CLASP1: variants seen among roughly 807,000 people sequenced by gnomAD.
CLASP1 encodes cytoplasmic linker associated protein 1.
In CLASP1, 38 loss-of-function variants were observed where a neutral mutation model predicts 192.3. The ratio of observed to expected loss-of-function variants is 0.20; its 90% CI spans 0.15 to 0.26. The LOEUF is 0.26. Among genes scored for constraint, CLASP1 ranks in the 10% least tolerant of loss-of-function variants. The pLI is 1.00. For missense variants in CLASP1, 1,433 were observed against 1,932.5 expected, an observed-to-expected ratio of 0.74 and a Z score of 4.85; for synonymous variants, 691 against 712.8, an observed-to-expected ratio of 0.97 and a Z score of 0.49.
rs1186704352 is a variant in CLASP1, at chr2:121,402,843, C to T, written c.2734-973G>A. 3.9e-5 allele frequency among the ~76,000 whole-genome samples: 6 copies of T among 152,098 alleles called. 1 individual carries two copies. The highest frequency in any genetic ancestry group is 1.4e-4 in the African/African-American group (6 of 41,430). On this transcript the variant is annotated intron_variant, in intron 26 of 39. Transcript: ENST00000263710. ...TATCTATGTGGCCTTTAAGCTCAGTCTTTCCTGAATTTTTATTGAGACAGA... is the reference window on the plus strand; with the variant it reads ...TATCTATGTGGCCTTTAAGCTCAGTTTTTCCTGAATTTTTATTGAGACAGA...
At chr2:121,615,887 T>G (rs905072832) in intron 1 of CLASP1, among the ~76,000 whole-genome samples, 3 of 152,088 alleles carry the variant, frequency 2.0e-5, no homozygotes, top group Non-Finnish European at 4.4e-5. Context: ...AAGCAATAAT[T>G]CAAAACCAGA....
chr2:121,378,369 A>C (rs1171801409), intron 33 of CLASP1, among the ~76,000 whole-genome samples: 1 of 152,220 alleles, frequency 6.6e-6, no homozygotes, highest in African/African-American at 2.4e-5. Context: ...AAAAGCAAGA[A>C]ATATTTGTTG....
intron 2 of CLASP1, among the ~76,000 whole-genome samples, chr2:121,593,122 T>G (rs539279867): frequency 6.6e-6 from 1 of 152,066 alleles, no homozygotes; most frequent in African/African-American, 2.4e-5. Context: ...TTTAACCACG[T>G]AGGAGGAAGA....
intron 2 of CLASP1, among the ~76,000 whole-genome samples, chr2:121,536,122 C>T (rs1449857666): frequency 1.3e-5 from 2 of 151,610 alleles, no homozygotes; most frequent in Non-Finnish European, 2.9e-5. Flanking sequence ...TGGCTCACGC[C>T]TGTAATCCCA....
At chr2:121,351,491 C>G (rs1462314486) in intron 37 of CLASP1, among the ~76,000 whole-genome samples, 1 of 152,210 alleles carries the variant, frequency 6.6e-6, no homozygotes, top group Non-Finnish European at 1.5e-5. Flanking sequence ...AATTAATTCT[C>G]CTAGCTGTCT....
intron 33 of CLASP1, among the ~76,000 whole-genome samples, chr2:121,381,450 G>C (rs1337511811): frequency 2.0e-5 from 3 of 152,080 alleles, no homozygotes; most frequent in East Asian, 3.9e-4. Flanking sequence ...CTTATAAAAA[G>C]CATCCCCAAG....
Position 121,395,669 on chromosome 2 carries a change from A to T in CLASP1, c.3123+1471T>A, listed in dbSNP as rs191307111. Among the ~76,000 whole-genome samples, 32 of 152,316 alleles carry T rather than the reference A, an allele frequency of 2.1e-4. No homozygotes were observed. The East Asian group carries it at 5.8e-3, about 28-fold the overall frequency. On this transcript the variant is annotated intron_variant, in intron 30 of 39. Transcript: ENST00000263710. ...AGGATGAATCTTATCTTCTCTAGGA[A>T]GCTTTCTATGATCAATACAGAGTGC...
intron 11 of CLASP1, 60 bp downstream of exon 11, chr2:121,461,041 G>T (rs1484875294): frequency 4.5e-5 from 45 of 1,005,856 alleles, no homozygotes. Flanking sequence ...TCACAATAAA[G>T]TATTTGAGAT....
At chr2:121,454,782 G>T (rs2086271931) in intron 14 of CLASP1, among the ~76,000 whole-genome samples, 1 of 152,162 alleles carries the variant, frequency 6.6e-6, no homozygotes, top group South Asian at 2.1e-4. Flanking sequence ...GAGAAATTTT[G>T]CCTTACGCAA....
chr2:121,407,815 G>T, intron 24 of CLASP1, 100 bp from the exon 26 acceptor site: 1 of 1,338,894 alleles, frequency 7.5e-7, no homozygotes, highest in Non-Finnish European at 1.1e-6. Flanking sequence ...AGAGTTAAGT[G>T]TAAAAAGACA....
intron 8 of CLASP1, among the ~76,000 whole-genome samples, chr2:121,483,188 C>T (rs925020741): frequency 5.3e-5 from 8 of 152,178 alleles, no homozygotes; most frequent in African/African-American, 1.9e-4. Flanking sequence ...CCCCGCCCCA[C>T]ACAGGGCCTG....
chr2:121,360,469 T>C (rs188817074), intron 37 of CLASP1, among the ~76,000 whole-genome samples: 2 of 152,202 alleles, frequency 1.3e-5, no homozygotes, highest in Admixed American at 1.3e-4. Context: ...ACGTGCCATA[T>C]TAATATGCCA....
At chr2:121,367,229 C>A (rs1309389235) in intron 35 of CLASP1, among the ~76,000 whole-genome samples, 1 of 152,230 alleles carries the variant, frequency 6.6e-6, no homozygotes, top group South Asian at 2.1e-4. Context: ...CCCGCGCTCG[C>A]CATCCTGTTT....
chr2:121,478,860 C>CCACACACACACCACACCACACACACACCA (rs2092186954), intron 8 of CLASP1, among the ~76,000 whole-genome samples: 2 of 77,046 alleles, frequency 2.6e-5, no homozygotes, highest in East Asian at 3.6e-4. Context: ...ACACACCACA[C>CCACACACACACCACACCACACACACACCA]CACACACACA....
chr2:121,512,518 C>T (rs1338290031), intron 7 of CLASP1, among the ~76,000 whole-genome samples: 1 of 152,134 alleles, frequency 6.6e-6, no homozygotes, highest in Non-Finnish European at 1.5e-5. Flanking sequence ...TTTAGGGCCT[C>T]AACTACTCTG....
chr2:121,376,451 A>T (rs1364304575), intron 34 of CLASP1, among the ~76,000 whole-genome samples: 1 of 130,870 alleles, frequency 7.6e-6, no homozygotes, highest in African/African-American at 2.9e-5. Flanking sequence ...ATTCTCACTC[A>T]TTTATGGGAA....
chr2:121,638,667 TTTA>T (rs1232214812), intron 1 of CLASP1, among the ~76,000 whole-genome samples: 2 of 136,490 alleles, frequency 1.5e-5, no homozygotes, highest in Admixed American at 1.4e-4. Context: ...GGTGTTCTTT[TTTA>T]TTTTTTTTTT....
In CLASP1 at chr2:121,377,495, T is replaced by C; in HGVS notation, c.3642+4A>G. The C allele has an allele frequency of 6.2e-7, 1 of 1,600,354 alleles. No homozygotes were observed. Among genetic ancestry groups the C allele is most frequent in the South Asian group, 1.1e-5 (1 of 88,662 alleles). On this transcript the variant is annotated splice_donor_region_variant and intron_variant, in intron 34 of 39. Coordinates refer to ENST00000263710, the Ensembl canonical transcript of CLASP1. ...GAGTTCTCTTTTAGCCTAGGGATAC[T>C]TACAATATCACACTCCTTTTTGCCA...
chr2:121,478,834 ACACCACACACACAC>A (rs2092154061), intron 8 of CLASP1, among the ~76,000 whole-genome samples: 1 of 85,148 alleles, frequency 1.2e-5, no homozygotes, highest in Non-Finnish European at 2.2e-5. Context: ...CACACACCAC[ACACCACACACACAC>A]CACACACCAC....
Sources: allele counts gnomAD v4.1 joint callset (sites outside exome capture counted in the v4.1 genomes callset), GRCh38; gene constraint gnomAD v4.1.1; transcripts MANE v1.5; gene names NCBI Gene and HGNC (gene_info 2026-07-23, HGNC 2026-07-21).